AOX1: variants seen among roughly 807,000 people sequenced by gnomAD.
The protein encoded by AOX1 is aldehyde oxidase 1, also known as aldehyde oxidase.
Under a neutral mutation model 169.5 loss-of-function variants are expected in AOX1, and 153 were observed. The observed-to-expected ratio is 0.90, with a 90% CI of 0.79 to 1.03. The LOEUF is 1.03. Ranked by LOEUF, AOX1 falls within the 50% of genes least tolerant of loss-of-function variation. The pLI is 0.00. For missense variants in AOX1, 1,656 were observed against 1,663.9 expected (o/e 1.00, Z 0.08); for synonymous variants, 562 against 581.9 (o/e 0.97, Z 0.49).
At chr2:200,597,185 C>A (rs2034300309) in intron 3 of AOX1, among the ~76,000 whole-genome samples, 3 of 152,218 alleles carry the variant, frequency 2.0e-5, no homozygotes, top group Admixed American at 2.0e-4. Flanking sequence ...GCCTCTGACA[C>A]TCTGGCTGTG....
chr2:200,625,971 A>C (rs545389241), intron 19 of AOX1, among the ~76,000 whole-genome samples: 7 of 152,296 alleles, frequency 4.6e-5, no homozygotes, highest in African/African-American at 1.7e-4. Context: ...GGTAAGGCTG[A>C]TGACCATAAT....
downstream of AOX1, chr2:200,679,464 C>A (rs201212051): frequency 2.4e-5 from 1 of 42,552 alleles, no homozygotes; most frequent in Non-Finnish European, 4.6e-5. Context: ...TAGGTAGCTT[C>A]TCTCTCGTTG....
intron 23 of AOX1, among the ~76,000 whole-genome samples, chr2:200,639,155 T>C (rs1272784570): frequency 1.3e-5 from 2 of 152,238 alleles, no homozygotes; most frequent in African/African-American, 4.8e-5. Flanking sequence ...GTCTGCCATA[T>C]TGGACAGTGC....
rs112472592 is a variant in AOX1, at chr2:200,613,027, T to TGTGTGTGTGTGTGA, written c.1448+235_1448+236insTGTGTGTGTGTGAG. Among the ~76,000 whole-genome samples, 250 of 146,204 alleles carry TGTGTGTGTGTGTGA rather than the reference T, an allele frequency of 1.7e-3. 9 individuals carry two copies. In the East Asian group the frequency reaches 0.02, roughly 12 times the overall value. ...GCGTGTGTGTGTGTGTGTGTGTGTG[T>TGTGTGTGTGTGTGA]GAGAGAGAGAGAGAGAGACAGACAG... On this transcript the variant is annotated intron_variant, in intron 14 of 34. Transcript: ENST00000374700.
At chr2:200,610,759 G>T (rs1220803310) in intron 12 of AOX1, among the ~76,000 whole-genome samples, 1 of 152,146 alleles carries the variant, frequency 6.6e-6, no homozygotes, top group Non-Finnish European at 1.5e-5. Context: ...TAAGTGAATT[G>T]TGTTGTCAGG....
chr2:200,606,310 TTC>T (rs2034512811), intron 10 of AOX1, among the ~76,000 whole-genome samples: 1 of 152,214 alleles, frequency 6.6e-6, no homozygotes, highest in African/African-American at 2.4e-5. Context: ...GTGGTTTTAT[TTC>T]TAAGGTCTCT....
chr2:200,638,706 C>T (rs2105744317), intron 23 of AOX1, among the ~76,000 whole-genome samples: 1 of 152,118 alleles, frequency 6.6e-6, no homozygotes, highest in East Asian at 1.9e-4. Context: ...GTTCCTCATT[C>T]TTCAATATAT....
At chr2:200,602,214 A>G (rs913747818) in intron 5 of AOX1, 70 bp from the exon 6 acceptor site, 2 of 1,300,914 alleles carry the variant, frequency 1.5e-6, no homozygotes, top group Admixed American at 1.8e-5. Flanking sequence ...CCTCATTTCC[A>G]TCACACTCTT....
intron 1 of AOX1, among the ~76,000 whole-genome samples, chr2:200,592,206 G>A (rs1036788058): frequency 6.6e-6 from 1 of 151,984 alleles, no homozygotes; most frequent in African/African-American, 2.4e-5. Flanking sequence ...TCTATATTGC[G>A]GACTCTTCTA....
chr2:200,603,902 G>A, intron 7 of AOX1, 115 bp from the exon 8 acceptor site: 1 of 699,812 alleles, frequency 1.4e-6, no homozygotes, highest in East Asian at 2.8e-5. Flanking sequence ...GCTGGCCAGT[G>A]GACTTTTTTG....
intron 18 of AOX1, 90 bp from the exon 19 acceptor site, chr2:200,623,771 A>T (rs143592758): frequency 1.3e-4 from 212 of 1,582,408 alleles, no homozygotes; most frequent in Non-Finnish European, 1.7e-4. Context: ...GCCCTACTGT[A>T]ATCGAGTACT....
At chr2:200,657,190 A>ATATATATATAT in intron 27 of AOX1, among the ~76,000 whole-genome samples, 15 of 62,882 alleles carry the variant, frequency 2.4e-4, no homozygotes, top group East Asian at 9.1e-4. Flanking sequence ...ATATATATAT[A>ATATATATATAT]TTTTTTTTTT....
intron 1 of AOX1, among the ~76,000 whole-genome samples, chr2:200,586,581 G>A (rs1393234156): frequency 1.3e-5 from 2 of 152,240 alleles, no homozygotes; most frequent in Admixed American, 6.5e-5. Context: ...GCCTCAGCTC[G>A]CGGGGTGCGT....
At chr2:200,598,676 T>C (rs1368698579) in intron 4 of AOX1, among the ~76,000 whole-genome samples, 4 of 149,636 alleles carry the variant, frequency 2.7e-5, no homozygotes, top group Non-Finnish European at 5.9e-5. Context: ...ACCTGGGAGG[T>C]GGAGGTTGCA....
At chr2:200,669,218 C>T (rs1228506130) in intron 33 of AOX1, among the ~76,000 whole-genome samples, 1 of 152,146 alleles carries the variant, frequency 6.6e-6, no homozygotes, top group African/African-American at 2.4e-5. Flanking sequence ...CCAAGGCGGG[C>T]AGATCACCTG....
At chr2:200,597,598 C>A in intron 4 of AOX1, 93 bp downstream of exon 4, 3 of 835,606 alleles carry the variant, frequency 3.6e-6, no homozygotes, top group Non-Finnish European at 3.6e-6. Context: ...CAGCCTGGGG[C>A]CTGCTGGCTC....
At chr2:200,589,015 C>T (rs2034111653) in intron 1 of AOX1, among the ~76,000 whole-genome samples, 1 of 151,822 alleles carries the variant, frequency 6.6e-6, no homozygotes, top group South Asian at 2.1e-4. Context: ...AGAGAAAATC[C>T]ACCCTAGAAG....
intron 17 of AOX1, 76 bp from the exon 18 acceptor site, chr2:200,621,044 A>G (rs1338946670): frequency 1.3e-6 from 2 of 1,506,682 alleles, no homozygotes; most frequent in South Asian, 1.3e-5. Flanking sequence ...TACCTCTCTC[A>G]TATCTTATTA....
At chr2:200,662,200 TG>T (rs2035840592) in intron 30 of AOX1, among the ~76,000 whole-genome samples, 1 of 152,186 alleles carries the variant, frequency 6.6e-6, no homozygotes, top group Non-Finnish European at 1.5e-5. Flanking sequence ...TTGCCATTGG[TG>T]CGGGACCTGG....
Sources: allele counts gnomAD v4.1 joint callset (sites outside exome capture counted in the v4.1 genomes callset), GRCh38; gene constraint gnomAD v4.1.1; transcripts MANE v1.5; gene names NCBI Gene and HGNC (gene_info 2026-07-23, HGNC 2026-07-21).